Variants in NLGN1 observed in about 807,000 individuals in gnomAD.
The protein encoded by NLGN1 is neuroligin-1.
Under a neutral mutation model 65.5 loss-of-function variants are expected in NLGN1, and 12 were observed. That is an observed-to-expected ratio of 0.18 (90% CI 0.12 to 0.30). The LOEUF (loss-of-function observed/expected upper bound fraction) is 0.30, where lower values mean the gene tolerates loss of function less well. Among genes scored for constraint, NLGN1 ranks in the 10% least tolerant of loss-of-function variants. The pLI, the probability that NLGN1 is intolerant of heterozygous loss-of-function variation, is 1.00. For missense variants in NLGN1, 750 were observed against 1,007.1 expected (o/e 0.74, Z 3.46); for synonymous variants, 350 against 359.5 (o/e 0.97, Z 0.30).
At chr3:173,837,262 AAG>A (rs1329332162) in intron 4 of NLGN1, among the ~76,000 whole-genome samples, 1 of 152,108 alleles carries the variant, frequency 6.6e-6, no homozygotes. Context: ...ATAAAGACAA[AAG>A]ATGTTTTTAA....
intron 4 of NLGN1, among the ~76,000 whole-genome samples, chr3:173,856,767 C>A (rs1262172286): frequency 1.3e-5 from 2 of 151,920 alleles, no homozygotes; most frequent in Non-Finnish European, 2.9e-5. Flanking sequence ...GCCTAAAATA[C>A]TAGAGAGAAA....
intron 2 of NLGN1, among the ~76,000 whole-genome samples, chr3:173,561,679 G>A (rs977698655): frequency 1.3e-5 from 2 of 152,108 alleles, no homozygotes; most frequent in African/African-American, 2.4e-5. Context: ...GTGAGGCATT[G>A]CTCCAAATAA....
At chr3:173,460,496 G>A (rs929507343) in intron 2 of NLGN1, among the ~76,000 whole-genome samples, 2 of 152,086 alleles carry the variant, frequency 1.3e-5, no homozygotes, top group African/African-American at 4.8e-5. Context: ...CTATTAAAGT[G>A]TTGAATGTTA....
chr3:173,432,144 A>G (rs1717299192), intron 1 of NLGN1, among the ~76,000 whole-genome samples: 2 of 152,302 alleles, frequency 1.3e-5, no homozygotes, highest in South Asian at 4.1e-4. Context: ...AACATCTTAG[A>G]TTCTTCTAAA....
chr3:173,998,930 A>G (rs1722769777), intron 4 of NLGN1, among the ~76,000 whole-genome samples: 1 of 152,192 alleles, frequency 6.6e-6, no homozygotes, highest in African/African-American at 2.4e-5. Flanking sequence ...TCTAATAAAC[A>G]TCCTTTTCAA....
At chr3:173,486,585 T>C (rs2148990243) in intron 2 of NLGN1, among the ~76,000 whole-genome samples, 1 of 152,308 alleles carries the variant, frequency 6.6e-6, no homozygotes, top group African/African-American at 2.4e-5. Context: ...CACCCTGATT[T>C]ACTTCTGTGG....
chr3:173,634,415 T>G (rs1368877029), intron 3 of NLGN1, among the ~76,000 whole-genome samples: 1 of 152,142 alleles, frequency 6.6e-6, no homozygotes, highest in Non-Finnish European at 1.5e-5. Context: ...ATGTAATATG[T>G]TTTTACTTGC....
chr3:173,720,420 A>G (rs896552986), intron 3 of NLGN1, among the ~76,000 whole-genome samples: 1 of 152,204 alleles, frequency 6.6e-6, no homozygotes, highest in African/African-American at 2.4e-5. Context: ...ATACTGTGTG[A>G]CATGAAAACA....
intron 4 of NLGN1, among the ~76,000 whole-genome samples, chr3:173,967,213 A>ACT (rs1287518975): frequency 6.6e-6 from 1 of 152,132 alleles, no homozygotes; most frequent in Non-Finnish European, 1.5e-5. Flanking sequence ...CAAAAGAAGT[A>ACT]CTCTAAGGCC....
intron 4 of NLGN1, among the ~76,000 whole-genome samples, chr3:174,051,102 G>A (rs1393374553): frequency 6.6e-6 from 1 of 152,020 alleles, no homozygotes; most frequent in Non-Finnish European, 1.5e-5. Context: ...TTTAGGTAAT[G>A]GGATTCCAGG....
intron 4 of NLGN1, among the ~76,000 whole-genome samples, chr3:174,233,078 C>G (rs1258100562): frequency 2.6e-5 from 4 of 152,188 alleles, no homozygotes; most frequent in Admixed American, 2.6e-4. Context: ...AGGGGACTTA[C>G]AGACAGAAGG....
chr3:174,087,665 G>T (rs1246896090), intron 4 of NLGN1, among the ~76,000 whole-genome samples: 1 of 151,948 alleles, frequency 6.6e-6, no homozygotes, highest in East Asian at 1.9e-4. Context: ...ATAATGTAAA[G>T]TTCTATGCCA....
intron 4 of NLGN1, among the ~76,000 whole-genome samples, chr3:173,952,623 C>T (rs1263146478): frequency 6.6e-6 from 1 of 152,082 alleles, no homozygotes; most frequent in Non-Finnish European, 1.5e-5. Context: ...TCATGATTTC[C>T]CTTTCAGAAA....
chr3:173,463,677 A>G (rs1723785329), intron 2 of NLGN1, among the ~76,000 whole-genome samples: 1 of 152,142 alleles, frequency 6.6e-6, no homozygotes, highest in Non-Finnish European at 1.5e-5. Flanking sequence ...GTATCCTTTC[A>G]ACTATGTATT....
rs191900937 is a variant in NLGN1 at position 174,111,662 on chromosome 3, T to C, written c.647-163653T>C. ...TAAAAAAAGGAAAGCAAAGGAGTAG[T>C]GTAGTGAACACAAGGTTATAGAATG... On this transcript the variant is annotated intron_variant, in intron 4 of 6. Transcript: ENST00000457714. Among the ~76,000 whole-genome samples, 791 of 151,986 alleles carry C rather than the reference T, an allele frequency of 5.2e-3. 3 individuals are homozygous for C. The highest frequency in any genetic ancestry group is 0.014 in the Middle Eastern group (4 of 294).
chr3:173,568,060 A>G (rs1343518831), intron 2 of NLGN1, among the ~76,000 whole-genome samples: 1 of 152,192 alleles, frequency 6.6e-6, no homozygotes, highest in Non-Finnish European at 1.5e-5. Flanking sequence ...AAGCTAACAT[A>G]TACATTACCT....
intron 4 of NLGN1, among the ~76,000 whole-genome samples, chr3:174,127,559 T>A (rs1464414031): frequency 1.3e-5 from 2 of 152,132 alleles, no homozygotes. Context: ...CATTCTTAAA[T>A]GTGTCGGTCA....
chr3:174,278,083 G>A lies in NLGN1; in HGVS notation c.860-778G>A, dbSNP rs566966738. ...AATTCTTAAATGCAATTAAAAAGCA[G>A]TGGACCATGTGCTTTTCATCTTTTA... is the stretch of plus-strand genomic sequence containing the variant. On this transcript the variant is annotated intron_variant, in intron 5 of 6. Transcript: ENST00000457714. Among the ~76,000 whole-genome samples, 24 of 152,076 alleles carry A rather than the reference G, an allele frequency of 1.6e-4. No homozygotes were observed. In the South Asian group the frequency reaches 4.8e-3, roughly 30 times the overall value.
In NLGN1 at chr3:173,632,430, A is replaced by G. The variant is rs546312219; in HGVS notation, c.493+27339A>G. Among the ~76,000 whole-genome samples, 12 of 152,316 alleles carry G rather than the reference A, an allele frequency of 7.9e-5. No homozygotes were observed. In the East Asian group the frequency reaches 1.7e-3, roughly 22 times the overall value. ...CCCTTTCACAAATTTTGGTGCATCC[A>G]AATCTGTGGAAGATGCCTGTAGTCA... On this transcript the variant is annotated intron_variant, in intron 3 of 6. Transcript: ENST00000457714.
Sources: allele counts gnomAD v4.1 joint callset (sites outside exome capture counted in the v4.1 genomes callset), GRCh38; gene constraint gnomAD v4.1.1; transcripts MANE v1.5; gene names NCBI Gene and HGNC (gene_info 2026-07-23, HGNC 2026-07-21).